Variants in PITPNM1 observed in about 807,000 individuals in gnomAD.
PITPNM1 encodes membrane-associated phosphatidylinositol transfer protein 1.
Under a neutral mutation model 133.3 loss-of-function variants are expected in PITPNM1, and 74 were observed. The observed-to-expected ratio is 0.56, with a 90% CI of 0.46 to 0.67. PITPNM1 has a LOEUF of 0.67. Ranked by LOEUF, PITPNM1 falls within the 30% of genes least tolerant of loss-of-function variation. The pLI, the probability that PITPNM1 is intolerant of heterozygous loss-of-function variation, is 0.00. For missense variants in PITPNM1, 1,398 were observed against 1,739.5 expected (o/e 0.80, Z 3.49); for synonymous variants, 738 against 741.4 (o/e 1.00, Z 0.08).
In PITPNM1 at chr11:67,495,472, T is replaced by G. The variant is rs779314437; in HGVS notation, c.2448A>C (p.Pro816=). ...SELATDPPAQ[P]AAPSTTSEVV... is the part of the protein sequence containing the mutation. ...CCTCACTGGTGGTGCTGGGGGCGGC[T>G]GGCTGGGCCGGGGGGTCAGTGGCCA... The change falls in exon 16 of 24, where the codon CCA becomes CCC. Residue 816 remains proline (P), a synonymous_variant. Coordinates refer to ENST00000356404, the MANE Select transcript of PITPNM1 (RefSeq NM_004910.3). 6.4e-7 allele frequency: 1 copy of G among 1,551,606 alleles called. No homozygotes were observed. The highest frequency in any genetic ancestry group is 1.2e-5 in the South Asian group (1 of 84,064).
intron 21 of PITPNM1, 45 bp downstream of exon 21, chr11:67,493,643 G>A (rs1041611750): frequency 2.1e-5 from 33 of 1,544,814 alleles, no homozygotes; most frequent in Middle Eastern, 1.7e-4. Flanking sequence ...GTGAGGGGCC[G>A]GTCACCCCGG....
chr11:67,503,675 C>T (rs1866403779), intron 2 of PITPNM1, among the ~76,000 whole-genome samples: 1 of 152,224 alleles, frequency 6.6e-6, no homozygotes, highest in African/African-American at 2.4e-5. Flanking sequence ...TACACCAGAG[C>T]CTCCTCGCCC....
chr11:67,496,029 ACC>A, intron 15 of PITPNM1, 147 bp downstream of exon 15: 1 of 792,330 alleles, frequency 1.3e-6, no homozygotes, highest in Non-Finnish European at 1.8e-6. Context: ...GGGGATCCAG[ACC>A]CCCCCAGGGG....
intron 8 of PITPNM1, 54 bp from the exon 9 acceptor site, chr11:67,499,055 C>T (rs1303799083): frequency 1.3e-6 from 2 of 1,539,608 alleles, no homozygotes; most frequent in Middle Eastern, 1.7e-4. Context: ...GGGATCCCCT[C>T]ATCTGGCACT....
In PITPNM1 at chr11:67,494,864, G is replaced by T. The variant is rs1001771510; in HGVS notation, c.2724C>A (p.Arg908=). Reference sequence around the variant, plus strand: ...CACCTACCCGGATCTTGACCTGCGTGCGTTTTCGCTGCCACTTCTCCCTGG... The same window carrying T: ...CACCTACCCGGATCTTGACCTGCGTTCGTTTTCGCTGCCACTTCTCCCTGG... ...AFPREKWQRK[R]TQVKIRNVTS... Residue 908 remains arginine, a synonymous_variant, in exon 18 of 24, where the codon CGC becomes CGA. Coordinates refer to ENST00000356404, the MANE Select transcript of PITPNM1 (RefSeq NM_004910.3). 6.2e-7 allele frequency: 1 copy of T among 1,612,558 alleles called. No homozygotes were observed. The highest frequency in any genetic ancestry group is 1.7e-5 in the Admixed American group (1 of 59,990).
chr11:67,491,798 T>G lies in PITPNM1; in HGVS notation c.*235A>C. 3.6e-6 allele frequency: 2 copies of G among 557,980 alleles called. No homozygotes were observed. Among genetic ancestry groups the G allele is most frequent in the South Asian group, 2.2e-5 (1 of 44,956 alleles). The allele number at this position is 557,980 out of a possible 1,614,324, so 34.6% of individuals were successfully genotyped here. On this transcript the variant is annotated 3_prime_UTR_variant, in exon 24 of 24. Transcript: ENST00000356404. ...TGCAGGTGGCGTTTATTTTCATGGATTTATACACACTGGAAAAGCCTCTGC... is the reference window on the plus strand; with the variant it reads ...TGCAGGTGGCGTTTATTTTCATGGAGTTATACACACTGGAAAAGCCTCTGC...
In PITPNM1 at chr11:67,498,207, T is replaced by C. The variant is rs751349185; in HGVS notation, c.1600A>G (p.Thr534Ala). The C allele has an allele frequency of 1.2e-6, 2 of 1,613,020 alleles. No individual in the cohort carries two copies. Among genetic ancestry groups the C allele is most frequent in the South Asian group, 2.2e-5 (2 of 91,062 alleles). Residue 534 changes from threonine (T) to alanine (A), a missense_variant, in exon 11 of 24, where the codon ACC (threonine) becomes GCC (alanine). Thr to Ala is a moderately conservative substitution (Grantham distance 58). Coordinates refer to ENST00000356404, the MANE Select transcript of PITPNM1 (RefSeq NM_004910.3). The surrounding 1 kb of genome is among the most constrained non-coding windows in gnomAD (Gnocchi z 5.7). ...SSSRYQGAVA[T>A]VIARTNQAYS... ...GCCTGGTTGGTGCGGGCAATGACGG[T>C]GGCCACGGCGCCCTGGTAGCGGGAG...
rs1866125013 is a variant in PITPNM1, at chr11:67,496,429, C to T, written c.2147-81G>A. 5 of 1,302,084 alleles carry T rather than the reference C, an allele frequency of 3.8e-6. No homozygotes were observed. The African/African-American group carries it at 4.6e-5, about 12-fold the overall frequency. The allele number at this position is 1,302,084 out of a possible 1,614,324, so 80.7% of individuals were successfully genotyped here. A position where few individuals can be genotyped will look rare whatever the true frequency, so the allele number is the denominator to read the frequency against. ...TGGGAGGTAGGGGGTGTGGGAGCAG[C>T]ACCCTGATGTCTGGTGTGACCCCGA... On this transcript the variant is annotated intron_variant, in intron 14 of 23. Coordinates refer to ENST00000356404, the MANE Select transcript of PITPNM1 (RefSeq NM_004910.3).
chr11:67,504,204 G>C lies in PITPNM1; in HGVS notation c.-24C>G, dbSNP rs1289992320. ...ATCCTGAAGGCGCTCGGCGGGCCGCGCGCGGCCTCCGCTCCTCCTGGCGCA... is the reference window on the plus strand; with the variant it reads ...ATCCTGAAGGCGCTCGGCGGGCCGCCCGCGGCCTCCGCTCCTCCTGGCGCA... On this transcript the variant is annotated 5_prime_UTR_variant, in exon 2 of 24. Transcript: ENST00000356404. The surrounding 1 kb of genome is among the most constrained non-coding windows in gnomAD (Gnocchi z 5.4). 1 of 1,575,616 alleles carries C rather than the reference G, an allele frequency of 6.3e-7. No individual in the cohort carries two copies. Among genetic ancestry groups the C allele is most frequent in the South Asian group, 1.1e-5 (1 of 87,694 alleles).
At position 67,501,791 on chromosome 11, in the gene PITPNM1, GCA is replaced by G. The variant is rs1866328055; in HGVS notation, c.640+69_640+70del. On this transcript the variant is annotated intron_variant, in intron 5 of 23. Coordinates refer to ENST00000356404, the MANE Select transcript of PITPNM1 (RefSeq NM_004910.3). ...GCTTCTGTGTCCCCAGTGGATGGGAGCATCCCTGGCCCTAAACATGGGGTCTG... is the reference window on the plus strand; with the variant it reads ...GCTTCTGTGTCCCCAGTGGATGGGAGTCCCTGGCCCTAAACATGGGGTCTG... The G allele has an allele frequency of 6.1e-6, 8 of 1,308,688 alleles. No individual in the cohort carries two copies. The South Asian group carries it at 7.7e-5, about 13-fold the overall frequency. The allele number at this position is 1,308,688 out of a possible 1,614,324, so 81.1% of individuals were successfully genotyped here.
intron 21 of PITPNM1, 38 bp from the exon 22 acceptor site, chr11:67,493,631 G>C (rs1463327727): frequency 2.6e-6 from 4 of 1,546,116 alleles, no homozygotes; most frequent in Non-Finnish European, 3.5e-6. Flanking sequence ...CGCTGGCCAG[G>C]GGTGAGGGGC....
chr11:67,498,053 G>T lies in PITPNM1; in HGVS notation c.1675-29C>A. 2 of 1,608,162 alleles carry T rather than the reference G, an allele frequency of 1.2e-6. No homozygotes were observed. The highest frequency in any genetic ancestry group is 8.5e-7 in the Non-Finnish European group (1 of 1,178,750). On this transcript the variant is annotated intron_variant, in intron 11 of 23. Coordinates refer to ENST00000356404, the MANE Select transcript of PITPNM1 (RefSeq NM_004910.3). This position sits in a 1 kb window ranked among gnomAD's most constrained non-coding sequence, Gnocchi z 5.7. ...GGTGGGAGCAGGGGCACCATCAGGA[G>T]AGGCCTTGTCCTCACCCAGGCCAGA...
chr11:67,497,222 A>G lies in PITPNM1; in HGVS notation c.2146+9T>C, dbSNP rs1350816566. The G allele has an allele frequency of 4.4e-6, 7 of 1,597,814 alleles. No homozygotes were observed. Among genetic ancestry groups the G allele is most frequent in the Non-Finnish European group, 6.0e-6 (7 of 1,170,318 alleles). On this transcript the variant is annotated intron_variant, in intron 14 of 23. Coordinates refer to ENST00000356404, the MANE Select transcript of PITPNM1 (RefSeq NM_004910.3). ...GACTAGAGGCGCCCCCGCAGCCCCT[A>G]GGACTCACCCTCCAGGGCGGGCATC... is the stretch of plus-strand genomic sequence containing the variant.
chr11:67,492,824 G>A, intron 23 of PITPNM1, 110 bp downstream of exon 23: 8 of 1,351,630 alleles, frequency 5.9e-6, no homozygotes, highest in Non-Finnish European at 8.0e-6. Context: ...TTCCCTGGAG[G>A]CCGGTTAGGC....
intron 2 of PITPNM1, 167 bp downstream of exon 2, chr11:67,503,936 C>G (rs1336255944): frequency 3.7e-6 from 2 of 538,624 alleles, no homozygotes; most frequent in South Asian, 2.3e-5. Context: ...GGAAGCACCA[C>G]TCGGCCCTCC....
Position 67,502,368 on chromosome 11 carries a change from G to T in PITPNM1, c.339C>A (p.Thr113=). 6.2e-7 allele frequency: 1 copy of T among 1,613,878 alleles called. No homozygotes were observed. Among genetic ancestry groups the T allele is most frequent in the Non-Finnish European group, 8.5e-7 (1 of 1,180,020 alleles). The change falls in exon 4 of 24, where the codon ACC becomes ACA. Residue 113 remains threonine, a synonymous_variant. Transcript: ENST00000356404. The surrounding 1 kb of genome is among the most constrained non-coding windows in gnomAD (Gnocchi z 5.9). ...GCTGCCCCCCATCAGGCAGGTAATA[G>T]GTCTCAATTTCAATGGAGAATTTCT... ...FVEKFSIEIE[T]YYLPDGGQQP...
At position 67,502,293 on chromosome 11, in the gene PITPNM1, C is replaced by T. The variant is rs772752918; in HGVS notation, c.414G>A (p.Leu138=). 4.3e-6 allele frequency: 7 copies of T among 1,612,742 alleles called. No homozygotes were observed. Among genetic ancestry groups the T allele is most frequent in the African/African-American group, 1.3e-5 (1 of 74,934 alleles). Residue 138 remains leucine (L), a splice_region_variant and synonymous_variant, in exon 4 of 24, where the codon CTG becomes CTA. Transcript: ENST00000356404. This position sits in a 1 kb window ranked among gnomAD's most constrained non-coding sequence, Gnocchi z 5.9. ...LSGAERRQRI[L]DTIDIVRDAV... ...TCCCCCCATAGCTCCAGGCCTCACC[C>T]AGGATGCGCTGTCTCCTCTCGGCCC...
At position 67,498,569 on chromosome 11, in the gene PITPNM1, C is replaced by T. The variant is rs774004987; in HGVS notation, c.1484+27G>A. On this transcript the variant is annotated intron_variant, in intron 10 of 23. Coordinates refer to ENST00000356404, the MANE Select transcript of PITPNM1 (RefSeq NM_004910.3). This position sits in a 1 kb window ranked among gnomAD's most constrained non-coding sequence, Gnocchi z 5.7. ...GCTCCCTGGCCTGATCCTACGAGTT[C>T]CCTGCCCTTCCACCCGTGGCTAGTA... 6.3e-7 allele frequency: 1 copy of T among 1,588,822 alleles called. No homozygotes were observed. The highest frequency in any genetic ancestry group is 2.2e-5 in the East Asian group (1 of 44,712).
At position 67,491,883 on chromosome 11, in the gene PITPNM1, G is replaced by A. The variant is rs568607307; in HGVS notation, c.*150C>T. The A allele has an allele frequency of 1.2e-5, 10 of 864,970 alleles. No individual in the cohort carries two copies. In the East Asian group the frequency reaches 2.4e-4, roughly 21 times the overall value. The allele number at this position is 864,970 out of a possible 1,614,324, so 53.6% of individuals were successfully genotyped here. ...CTGGGTCCCCTCATATGAAAGGGAA[G>A]TAACACCGAGGAGCACACGGAGATA... On this transcript the variant is annotated 3_prime_UTR_variant, in exon 24 of 24. Transcript: ENST00000356404.
Sources: allele counts gnomAD v4.1 joint callset (sites outside exome capture counted in the v4.1 genomes callset), GRCh38; gene constraint gnomAD v4.1.1; non-coding constraint Gnocchi (gnomAD v3.1); transcripts MANE v1.5; gene names NCBI Gene and HGNC (gene_info 2026-07-23, HGNC 2026-07-21).